Variants in SYCE2 observed in about 807,000 individuals in gnomAD.
The protein encoded by SYCE2 is synaptonemal complex central element protein 2, also known as central element synaptonemal complex 1.
Under a neutral mutation model 27.9 loss-of-function variants are expected in SYCE2, and 3 were observed. The observed-to-expected ratio is 0.11, with a 90% confidence interval of 0.05 to 0.28. SYCE2 has a LOEUF of 0.28. SYCE2 is among the 10% of genes least tolerant of loss of function. The probability of loss-of-function intolerance (pLI) is 1.00; values close to 1 mark genes in which losing one functional copy is unlikely to be tolerated. For synonymous variants in SYCE2, 85 were observed against 100.7 expected (o/e 0.84, Z 0.93); for missense variants, 207 against 263.5 (o/e 0.79, Z 1.48).
At chr19:12,910,449 T>C (rs1391778902) in intron 2 of SYCE2, among the ~76,000 whole-genome samples, 2 of 151,778 alleles carry the variant, frequency 1.3e-5, no homozygotes, top group African/African-American at 4.8e-5. Flanking sequence ...CTCAGCTCAC[T>C]GCCACCTCCA....
At chr19:12,906,455 G>A (rs999290101) in intron 2 of SYCE2, among the ~76,000 whole-genome samples, 4 of 152,154 alleles carry the variant, frequency 2.6e-5, no homozygotes, top group Non-Finnish European at 5.9e-5. Flanking sequence ...GAAAAATTTT[G>A]AGTAATATGT....
At chr19:12,908,864 G>T (rs1346375501) in intron 2 of SYCE2, among the ~76,000 whole-genome samples, 1 of 152,122 alleles carries the variant, frequency 6.6e-6, no homozygotes, top group African/African-American at 2.4e-5. Flanking sequence ...CTGTCTTCTT[G>T]CCAGACACCG....
chr19:12,910,296 TA>T (rs981014812), intron 2 of SYCE2, among the ~76,000 whole-genome samples: 1 of 152,138 alleles, frequency 6.6e-6, no homozygotes, highest in Non-Finnish European at 1.5e-5. Context: ...AATTTTATGT[TA>T]AAAAATTTTT....
At chr19:12,909,969 C>T (rs1971013536) in intron 2 of SYCE2, among the ~76,000 whole-genome samples, 2 of 152,092 alleles carry the variant, frequency 1.3e-5, no homozygotes, top group African/African-American at 2.4e-5. Context: ...CGGTTTCAAG[C>T]GATTCTCTTG....
At chr19:12,914,254 A>G (rs1400652135) in intron 2 of SYCE2, 1 of 152,250 alleles carries the variant, frequency 6.6e-6, no homozygotes, top group African/African-American at 2.4e-5. Flanking sequence ...GTAAGCATTT[A>G]GCAACTGGCT....
intron 2 of SYCE2, among the ~76,000 whole-genome samples, chr19:12,913,074 G>A (rs541177649): frequency 3.9e-5 from 6 of 152,312 alleles, no homozygotes; most frequent in African/African-American, 9.6e-5. Flanking sequence ...ACCCTGGACC[G>A]AGGCCAGAGA....
intron 3 of SYCE2, among the ~76,000 whole-genome samples, chr19:12,902,969 T>C (rs1970867959): frequency 6.6e-6 from 1 of 151,030 alleles, no homozygotes; most frequent in Non-Finnish European, 1.5e-5. Flanking sequence ...TTTTTTTTTT[T>C]TTCGAGACAG....
At chr19:12,916,759 C>A (rs1386133857) in intron 2 of SYCE2, among the ~76,000 whole-genome samples, 1 of 152,074 alleles carries the variant, frequency 6.6e-6, no homozygotes, top group East Asian at 1.9e-4. Context: ...CCGCACCACA[C>A]CACGCTCATT....
At chr19:12,901,493 T>C (rs1017120996) in intron 3 of SYCE2, among the ~76,000 whole-genome samples, 3 of 151,912 alleles carry the variant, frequency 2.0e-5, no homozygotes, top group African/African-American at 7.3e-5. Flanking sequence ...TGAGTCATGA[T>C]CACACTACTG....
intron 1 of SYCE2, 24 bp downstream of exon 1, chr19:12,919,219 G>A: frequency 6.2e-7 from 1 of 1,610,522 alleles, no homozygotes; most frequent in Non-Finnish European, 8.5e-7. Context: ...CCCCACGCGC[G>A]AGAAGGAAAC....
chr19:12,910,974 G>C (rs1483510391), intron 2 of SYCE2, among the ~76,000 whole-genome samples: 1 of 151,776 alleles, frequency 6.6e-6, no homozygotes, highest in Non-Finnish European at 1.5e-5. Flanking sequence ...ACCGCACCCG[G>C]CCTGACCTTT....
intron 2 of SYCE2, among the ~76,000 whole-genome samples, chr19:12,914,860 C>T (rs1469071229): frequency 1.3e-5 from 2 of 152,152 alleles, no homozygotes; most frequent in African/African-American, 4.8e-5. Flanking sequence ...CCATCTACCT[C>T]GAACTCCCAA....
intron 2 of SYCE2, 148 bp from the exon 3 acceptor site, chr19:12,904,814 A>C (rs1287028999): frequency 4.7e-6 from 4 of 856,348 alleles, no homozygotes; most frequent in African/African-American, 1.7e-5. Flanking sequence ...GCCTGGCAAC[A>C]TGGTGAAACC....
Position 12,904,549 on chromosome 19 carries a change from C to T in SYCE2, c.249G>A (p.Lys83=), listed in dbSNP as rs780733569. Residue 83 remains lysine, a synonymous_variant, in exon 3 of 6, where the codon AAG becomes AAA. Transcript: ENST00000293695. The stretch of plus-strand genomic sequence containing the variant: ...TGAGTGCATGGTCCTTTTGCCGGCT[C>T]TTGTTGATGTTTTCGATCAGCTCCT... The part of the protein sequence containing the change: ...RAQELIENIN[K]SRQKDHALMT... The T allele has an allele frequency of 1.9e-6, 3 of 1,613,908 alleles. No individual in the cohort carries two copies. Among genetic ancestry groups the T allele is most frequent in the South Asian group, 1.1e-5 (1 of 91,078 alleles).
chr19:12,906,427 T>TA (rs2145970298), intron 2 of SYCE2, among the ~76,000 whole-genome samples: 1 of 152,314 alleles, frequency 6.6e-6, no homozygotes, highest in Non-Finnish European at 1.5e-5. Context: ...GACAGCTATC[T>TA]AAAAAGCTAA....
chr19:12,904,542 G>T lies in SYCE2; in HGVS notation c.256C>A (p.Gln86Lys). 6.2e-7 allele frequency: 1 copy of T among 1,614,092 alleles called. No homozygotes were observed. Among genetic ancestry groups the T allele is most frequent in the Non-Finnish European group, 8.5e-7 (1 of 1,180,010 alleles). Reference sequence around the variant, plus strand: ...TTGGTCATGAGTGCATGGTCCTTTTGCCGGCTCTTGTTGATGTTTTCGATC... The same window carrying T: ...TTGGTCATGAGTGCATGGTCCTTTTTCCGGCTCTTGTTGATGTTTTCGATC... Reference protein sequence around the residue: ...ELIENINKSRQKDHALMTNFR... With the variant: ...ELIENINKSRKKDHALMTNFR... Residue 86 changes from glutamine to lysine, a missense_variant, in exon 3 of 6, where the codon CAA becomes AAA. Transcript: ENST00000293695.
At chr19:12,910,870 G>T (rs915034899) in intron 2 of SYCE2, among the ~76,000 whole-genome samples, 3 of 151,232 alleles carry the variant, frequency 2.0e-5, no homozygotes, top group Admixed American at 1.3e-4. Flanking sequence ...GTAGAGGCGG[G>T]GTTTCACCAT....
rs1394168594 is a variant in SYCE2 at position 12,900,502 on chromosome 19, G to A, written c.453C>T (p.His151=). ...HLETELKQVC[H]SVETVYKDLC... ...GGTCTTTGTACACAGTCTCCACGCT[G>A]TGGCAGACTTGTTTGAGCTCTGTCT... The change falls in exon 4 of 6, where the codon CAC becomes CAT. Residue 151 remains histidine, a synonymous_variant. Transcript: ENST00000293695. The A allele has an allele frequency of 1.2e-6, 2 of 1,613,958 alleles. No homozygotes were observed. The highest frequency in any genetic ancestry group is 3.3e-5 in the Admixed American group (2 of 59,986).
chr19:12,903,680 T>G (rs1970885013), intron 3 of SYCE2, among the ~76,000 whole-genome samples: 1 of 152,028 alleles, frequency 6.6e-6, no homozygotes, highest in Admixed American at 6.6e-5. Context: ...CCACCACACC[T>G]GGCCCCTATT....
Sources: gnomAD v4.1 joint callset for allele counts (sites outside exome capture counted in the v4.1 genomes callset) on GRCh38, gnomAD v4.1.1 for gene constraint, MANE v1.5 for transcripts, NCBI Gene and HGNC (gene_info 2026-07-23, HGNC 2026-07-21) for gene names.